The following HTT variants were observed in gnomAD, a reference collection of about 807,000 sequenced individuals.
HTT encodes huntingtin, also known as huntington disease protein.
In HTT, 104 loss-of-function variants were observed where a neutral mutation model predicts 362.3. The ratio of observed to expected loss-of-function variants is 0.29; its 90% CI spans 0.24 to 0.34. The LOEUF is 0.34. Ranked by LOEUF, HTT falls within the 10% of genes least tolerant of loss-of-function variation. HTT has a pLI of 1.00. For missense variants in HTT, 3,301 were observed against 3,928.6 expected (o/e 0.84, Z 4.27); for synonymous variants, 1,577 against 1,548.7 (o/e 1.02, Z -0.43).
intron 26 of HTT, among the ~76,000 whole-genome samples, chr4:3,150,953 G>C (rs780256686): frequency 6.6e-6 from 1 of 152,130 alleles, no homozygotes; most frequent in African/African-American, 2.4e-5. Context: ...GCAGGAGAAC[G>C]GCGTGAACCT....
In HTT at chr4:3,131,363, A is replaced by G. The variant is rs1396085277; in HGVS notation, c.2064A>G (p.Leu688=). The change falls in exon 15 of 67, where the codon TTA becomes TTG. Residue 688 remains leucine (L), a synonymous_variant. Coordinates refer to ENST00000355072, the MANE Select transcript of HTT (RefSeq NM_001388492.1). ...SAPLVHCVRL[L]SASFLLTGGK... is the part of the protein sequence containing the mutation. ...CTCTTGTCCATTGTGTCCGCCTTTT[A>G]TCTGCTTCGTTTTTGCTAACAGGGG... The G allele has an allele frequency of 2.5e-6, 4 of 1,613,998 alleles. No homozygotes were observed. The highest frequency in any genetic ancestry group is 2.2e-5 in the East Asian group (1 of 44,882).
At position 3,206,444 on chromosome 4, in the gene HTT, T is replaced by G; in HGVS notation, c.5719-52T>G. The G allele has an allele frequency of 7.0e-7, 1 of 1,434,442 alleles. No individual in the cohort carries two copies. The highest frequency in any genetic ancestry group is 1.2e-5 in the South Asian group (1 of 86,564). 88.9% of individuals were successfully genotyped at this position (1,434,442 alleles called of 1,614,324 possible). On this transcript the variant is annotated intron_variant, in intron 42 of 66. Transcript: ENST00000355072. This position sits in a 1 kb window ranked among gnomAD's most constrained non-coding sequence, Gnocchi z 4.6. ...CTGGCCTTTCTATGGCATTAATACCTGGTCTCTTCTTGTGTACTTGAAAAT... is the reference window on the plus strand; with the variant it reads ...CTGGCCTTTCTATGGCATTAATACCGGGTCTCTTCTTGTGTACTTGAAAAT...
At position 3,173,069 on chromosome 4, in the gene HTT, G is replaced by A; in HGVS notation, c.4104G>A (p.Gln1368=). 6.2e-7 allele frequency: 1 copy of A among 1,614,132 alleles called. No homozygotes were observed. The stretch of plus-strand genomic sequence containing the variant: ...TGGCCCCGTACACCCACTTCACCCA[G>A]GCCCTCGCTGACGCCAGCCTGAGGA... ...CFMAPYTHFT[Q]ALADASLRNM... Residue 1368 remains glutamine (Q), a synonymous_variant, in exon 31 of 67, where the codon CAG becomes CAA. Coordinates refer to ENST00000355072, the MANE Select transcript of HTT (RefSeq NM_001388492.1).
At chr4:3,110,122 C>T (rs1284327980) in intron 6 of HTT, among the ~76,000 whole-genome samples, 1 of 152,198 alleles carries the variant, frequency 6.6e-6, no homozygotes, top group Non-Finnish European at 1.5e-5. Context: ...GACCCTGGTT[C>T]CTTTCAGAGG....
At chr4:3,082,865 G>A (rs139501805) in intron 1 of HTT, among the ~76,000 whole-genome samples, 4 of 152,240 alleles carry the variant, frequency 2.6e-5, no homozygotes, top group African/African-American at 9.6e-5. Flanking sequence ...AGTGGGACTC[G>A]CTTAGATGAA....
At chr4:3,219,533 G>A (rs1329359224) in intron 52 of HTT, among the ~76,000 whole-genome samples, 2 of 152,184 alleles carry the variant, frequency 1.3e-5, no homozygotes, top group African/African-American at 2.4e-5. Context: ...CTGTGGTGAG[G>A]TAAGAGATTA....
At chr4:3,100,712 C>G (rs1714109651) in intron 3 of HTT, among the ~76,000 whole-genome samples, 1 of 152,160 alleles carries the variant, frequency 6.6e-6, no homozygotes, top group Admixed American at 6.5e-5. Flanking sequence ...TTCTTTTATT[C>G]TCACTGGCAG....
At chr4:3,188,868 C>A (rs760130758) in intron 39 of HTT, 83 bp from the exon 40 acceptor site, 1 of 1,306,124 alleles carries the variant, frequency 7.7e-7, no homozygotes, top group Non-Finnish European at 1.1e-6. Context: ...TTTATATTTA[C>A]CATATATCTT....
chr4:3,220,101 A>G (rs1239818554), intron 52 of HTT, 81 bp from the exon 53 acceptor site: 18 of 1,509,160 alleles, frequency 1.2e-5, no homozygotes, highest in Non-Finnish European at 1.6e-5. Flanking sequence ...CCCAGTGGAG[A>G]GAAGTCGGGC....
At chr4:3,155,728 C>CA (rs774283812) in intron 27 of HTT, among the ~76,000 whole-genome samples, 2,641 of 49,382 alleles carry the variant, frequency 0.053, 68 homozygotes, top group African/African-American at 0.099. Context: ...AAAAATACCA[C>CA]AAAAAAAAAA....
chr4:3,104,012 A>G (rs1714290177), intron 4 of HTT, 129 bp downstream of exon 4: 3 of 600,206 alleles, frequency 5.0e-6, no homozygotes, highest in Non-Finnish European at 8.8e-6. Context: ...GGTATACAAT[A>G]CATAATAATC....
chr4:3,164,867 C>G (rs996186863), intron 29 of HTT, among the ~76,000 whole-genome samples: 2 of 152,170 alleles, frequency 1.3e-5, no homozygotes, highest in Non-Finnish European at 2.9e-5. Flanking sequence ...GGTCTTGACT[C>G]TTTATCCAAT....
chr4:3,091,936 T>C (rs1192313183), intron 2 of HTT, among the ~76,000 whole-genome samples: 5 of 152,210 alleles, frequency 3.3e-5, no homozygotes, highest in African/African-American at 9.7e-5. Flanking sequence ...TGTAATGATA[T>C]TGGTGCAGTG....
Position 3,227,187 on chromosome 4 carries a change from A to T in HTT, c.7849-1428A>T, listed in dbSNP as rs145187067. 5.8e-3 allele frequency among the ~76,000 whole-genome samples: 879 copies of T among 152,228 alleles called. 9 individuals carry two copies. Among genetic ancestry groups the T allele is most frequent in the Middle Eastern group, 0.027 (8 of 294 alleles). On this transcript the variant is annotated intron_variant, in intron 57 of 66. Transcript: ENST00000355072. ...GCGTCCGCAAACCAACTGTCATGGG[A>T]TCATACTGGGGCTGAAGTACGGTCC... is the stretch of plus-strand genomic sequence containing the variant.
At chr4:3,143,083 C>T (rs937698446) in intron 23 of HTT, among the ~76,000 whole-genome samples, 197 bp downstream of exon 23, 2 of 152,038 alleles carry the variant, frequency 1.3e-5, no homozygotes, top group Non-Finnish European at 2.9e-5. Flanking sequence ...TATGTTTTTT[C>T]TGATTATTAA....
At chr4:3,232,811 T>C (rs1407190394) in intron 60 of HTT, among the ~76,000 whole-genome samples, 2 of 152,186 alleles carry the variant, frequency 1.3e-5, no homozygotes, top group Admixed American at 1.3e-4. Flanking sequence ...GAAAGCACAC[T>C]AGAGACTCGG....
intron 1 of HTT, among the ~76,000 whole-genome samples, chr4:3,082,645 G>A (rs1212188609): frequency 6.6e-6 from 1 of 152,158 alleles, no homozygotes; most frequent in African/African-American, 2.4e-5. Context: ...CATGCACATT[G>A]GAGTTTGGGA....
At position 3,219,182 on chromosome 4, in the gene HTT, T is replaced by C. The variant is rs116003184; in HGVS notation, c.7243-1000T>C. Among the ~76,000 whole-genome samples the C allele has an allele frequency of 4.8e-3, 737 of 152,306 alleles. 4 individuals are homozygous for C. The highest frequency in any genetic ancestry group is 0.017 in the African/African-American group (696 of 41,558). On this transcript the variant is annotated intron_variant, in intron 52 of 66. Transcript: ENST00000355072. ...TGCTGGAGAAGCAGGCCACACTTGCTGCATGGGGTTGCTCTCGGCCCCACT... is the reference window on the plus strand; with the variant it reads ...TGCTGGAGAAGCAGGCCACACTTGCCGCATGGGGTTGCTCTCGGCCCCACT...
intron 1 of HTT, among the ~76,000 whole-genome samples, chr4:3,080,862 G>A (rs1014206633): frequency 2.0e-5 from 3 of 152,174 alleles, no homozygotes; most frequent in African/African-American, 7.2e-5. Flanking sequence ...TTTCCCCATG[G>A]AATTATCTTA....
Sources: gnomAD v4.1 joint callset for allele counts (sites outside exome capture counted in the v4.1 genomes callset) on GRCh38, gnomAD v4.1.1 for gene constraint, Gnocchi (gnomAD v3.1) non-coding constraint, MANE v1.5 for transcripts, NCBI Gene and HGNC (gene_info 2026-07-23, HGNC 2026-07-21) for gene names.